The following TENM3 variants were observed in gnomAD, a reference collection of about 807,000 sequenced individuals.
The protein encoded by TENM3 is teneurin-3.
In TENM3, 63 loss-of-function variants were observed where a neutral mutation model predicts 255.1. The ratio of observed to expected loss-of-function variants is 0.25; its 90% CI spans 0.20 to 0.30. The LOEUF is 0.30. Among genes scored for constraint, TENM3 ranks in the 10% least tolerant of loss-of-function variants. The pLI, the probability that TENM3 is intolerant of heterozygous loss-of-function variation, is 1.00. For missense variants in TENM3, 2,929 were observed against 3,461.1 expected (o/e 0.85, Z 3.86); for synonymous variants, 1,306 against 1,322.3 (o/e 0.99, Z 0.27).
the TENM3 span, among the ~76,000 whole-genome samples, chr4:181,796,220 C>T: frequency 6.6e-6 from 1 of 152,144 alleles, no homozygotes; most frequent in African/African-American, 2.4e-5. Flanking sequence ...GTCATCGATT[C>T]CTTCATTCAT....
At chr4:182,138,554 C>T in the TENM3 span, among the ~76,000 whole-genome samples, 1 of 152,194 alleles carries the variant, frequency 6.6e-6, no homozygotes, top group East Asian at 1.9e-4. Context: ...GATTGTTTCC[C>T]CAATACCAGC....
the TENM3 span, among the ~76,000 whole-genome samples, chr4:182,045,568 G>C: frequency 6.6e-6 from 1 of 152,066 alleles, no homozygotes. Flanking sequence ...TCTACATTGG[G>C]AGGTTATAGA....
chr4:182,462,518 G>C (rs1580635187), intron 3 of TENM3, among the ~76,000 whole-genome samples: 1 of 151,772 alleles, frequency 6.6e-6, no homozygotes, highest in East Asian at 2.0e-4. Context: ...ACGCCTTTGA[G>C]TGCAGAAGCT....
At chr4:182,370,350 C>G (rs73869953) in intron 3 of TENM3, among the ~76,000 whole-genome samples, 4,413 of 152,122 alleles carry the variant, frequency 0.029, 142 homozygotes, top group African/African-American at 0.079. Flanking sequence ...TACAGCATAC[C>G]CTATCGCCTA....
chr4:182,085,343 C>G, the TENM3 span, among the ~76,000 whole-genome samples: 2 of 152,158 alleles, frequency 1.3e-5, no homozygotes, highest in Non-Finnish European at 2.9e-5. Context: ...TTTCACACAT[C>G]CTTGCCCTGA....
the TENM3 span, among the ~76,000 whole-genome samples, chr4:181,597,980 G>T: frequency 6.7e-4 from 102 of 152,232 alleles, no homozygotes; most frequent in African/African-American, 2.4e-3. Context: ...CCATTCTGTG[G>T]GTCATCCCCA....
At chr4:182,501,205 A>T (rs543065298) in intron 3 of TENM3, among the ~76,000 whole-genome samples, 190 of 152,268 alleles carry the variant, frequency 1.2e-3, no homozygotes, top group Admixed American at 4.2e-3. Flanking sequence ...TCTTTAGTTC[A>T]ACAGCGGCAC....
the TENM3 span, among the ~76,000 whole-genome samples, chr4:181,986,466 C>G: frequency 6.6e-6 from 1 of 152,054 alleles, no homozygotes; most frequent in South Asian, 2.1e-4. Flanking sequence ...TGTTCCCAAT[C>G]CCAACCTTTA....
At chr4:182,749,082 A>G (rs574011887) in intron 19 of TENM3, among the ~76,000 whole-genome samples, 3 of 152,282 alleles carry the variant, frequency 2.0e-5, no homozygotes, top group East Asian at 1.9e-4. Context: ...CTCACGTCCC[A>G]TAGCTAAAGA....
At chr4:182,029,317 G>T in the TENM3 span, among the ~76,000 whole-genome samples, 1 of 151,998 alleles carries the variant, frequency 6.6e-6, no homozygotes, top group Admixed American at 6.6e-5. Context: ...CCAACACTGG[G>T]AAATACATTT....
At chr4:182,147,666 C>A (rs1038584053) in intron 1 of TENM3, among the ~76,000 whole-genome samples, 4 of 152,022 alleles carry the variant, frequency 2.6e-5, no homozygotes, top group Admixed American at 2.6e-4. Flanking sequence ...GTTTGGACTT[C>A]GAGGGCATAC....
At chr4:181,967,008 T>TCTCTCTCTCTCTCG in the TENM3 span, among the ~76,000 whole-genome samples, 1 of 149,398 alleles carries the variant, frequency 6.7e-6, no homozygotes, top group Non-Finnish European at 1.5e-5. Flanking sequence ...TCTCTCTCGC[T>TCTCTCTCTCTCTCG]CTCTCTCTCT....
At chr4:181,489,994 C>A in the TENM3 span, among the ~76,000 whole-genome samples, 1 of 152,050 alleles carries the variant, frequency 6.6e-6, no homozygotes, top group Non-Finnish European at 1.5e-5. Flanking sequence ...ATTTTATCTT[C>A]TGGAAATATG....
chr4:181,745,881 C>A, the TENM3 span, among the ~76,000 whole-genome samples: 1 of 152,172 alleles, frequency 6.6e-6, no homozygotes, highest in Admixed American at 6.5e-5. Context: ...GTGTAGTTTT[C>A]TTCAGGACAT....
chr4:182,363,249 T>C (rs1414681478), intron 3 of TENM3, among the ~76,000 whole-genome samples: 2 of 152,142 alleles, frequency 1.3e-5, no homozygotes. Flanking sequence ...TCTGATTTCC[T>C]CTCCTTGATC....
the TENM3 span, among the ~76,000 whole-genome samples, chr4:181,462,145 T>C: frequency 6.6e-6 from 1 of 152,196 alleles, no homozygotes; most frequent in Non-Finnish European, 1.5e-5. Context: ...TTGAGAAATG[T>C]AGAAAATTAT....
the TENM3 span, among the ~76,000 whole-genome samples, chr4:181,822,174 T>A: frequency 6.6e-6 from 1 of 152,172 alleles, no homozygotes; most frequent in Non-Finnish European, 1.5e-5. Context: ...CCCCCACTTC[T>A]GGCTGCTCTC....
At chr4:182,025,733 G>A in the TENM3 span, among the ~76,000 whole-genome samples, 1 of 152,118 alleles carries the variant, frequency 6.6e-6, no homozygotes, top group East Asian at 1.9e-4. Context: ...GGGGTAAAAT[G>A]ATATCTCATT....
chr4:181,452,138 T>C, the TENM3 span, among the ~76,000 whole-genome samples: 3 of 152,154 alleles, frequency 2.0e-5, no homozygotes, highest in Non-Finnish European at 4.4e-5. Flanking sequence ...TTGGTAGCCA[T>C]TGCAACAGAG....
Sources: gnomAD v4.1 joint callset for allele counts (sites outside exome capture counted in the v4.1 genomes callset) on GRCh38, gnomAD v4.1.1 for gene constraint, MANE v1.5 for transcripts, NCBI Gene and HGNC (gene_info 2026-07-23, HGNC 2026-07-21) for gene names.